The following RETREG1 variants were observed in gnomAD, a reference collection of about 807,000 sequenced individuals.
RETREG1 encodes the protein family with sequence similarity 134 member B.
RETREG1 carries 44 observed loss-of-function variants against 54.8 expected under a neutral mutation model. The observed-to-expected ratio is 0.80, with a 90% confidence interval of 0.63 to 1.03. RETREG1 has a LOEUF of 1.03. Ranked by LOEUF, RETREG1 falls within the 50% of genes least tolerant of loss-of-function variation. The pLI is 0.00. For synonymous variants in RETREG1, 217 were observed against 238.5 expected, an observed-to-expected ratio of 0.91 and a Z score of 0.83; for missense variants, 554 against 605.1, an observed-to-expected ratio of 0.92 and a Z score of 0.89.
At chr5:16,475,722 GTGTT>G (rs1561076373) in intron 8 of RETREG1, among the ~76,000 whole-genome samples, 1 of 152,092 alleles carries the variant, frequency 6.6e-6, no homozygotes, top group African/African-American at 2.4e-5. Flanking sequence ...CCTGTAATCT[GTGTT>G]TGTTTTAAGC....
intron 1 of RETREG1, among the ~76,000 whole-genome samples, chr5:16,614,909 G>T (rs1362292445): frequency 6.6e-6 from 1 of 152,138 alleles, no homozygotes; most frequent in East Asian, 1.9e-4. Flanking sequence ...AGAATATGGT[G>T]TATTTGCTGA....
At chr5:16,520,535 G>A (rs564401409) in intron 3 of RETREG1, among the ~76,000 whole-genome samples, 6 of 151,874 alleles carry the variant, frequency 4.0e-5, no homozygotes, top group Admixed American at 3.3e-4. Flanking sequence ...TCTCCATGTT[G>A]GCCAGGCTGG....
chr5:16,475,968 C>T (rs1315631814), intron 8 of RETREG1, among the ~76,000 whole-genome samples: 1 of 152,096 alleles, frequency 6.6e-6, no homozygotes, highest in African/African-American at 2.4e-5. Flanking sequence ...TAATGAAAAG[C>T]CTTGTATGTG....
intron 3 of RETREG1, among the ~76,000 whole-genome samples, chr5:16,557,604 A>G (rs1217401343): frequency 2.0e-5 from 3 of 152,166 alleles, no homozygotes; most frequent in Non-Finnish European, 2.9e-5. Context: ...TTGACTCTCT[A>G]TTGTGCAATA....
At chr5:16,547,115 A>G (rs1741411465) in intron 3 of RETREG1, among the ~76,000 whole-genome samples, 1 of 152,226 alleles carries the variant, frequency 6.6e-6, no homozygotes, top group Admixed American at 6.5e-5. Context: ...CAGAGCAGGT[A>G]TTTAATAAAC....
chr5:16,476,079 G>T (rs956425339), intron 8 of RETREG1, among the ~76,000 whole-genome samples: 1 of 152,088 alleles, frequency 6.6e-6, no homozygotes, highest in African/African-American at 2.4e-5. Context: ...CAAATTGTAG[G>T]TACTGAAAGC....
At chr5:16,586,859 G>T (rs1367364128) in intron 1 of RETREG1, among the ~76,000 whole-genome samples, 1 of 152,174 alleles carries the variant, frequency 6.6e-6, no homozygotes, top group Non-Finnish European at 1.5e-5. Context: ...CAACACTAAG[G>T]CCTTAGCAGA....
intron 1 of RETREG1, among the ~76,000 whole-genome samples, chr5:16,583,968 G>A (rs2447817): frequency 0.14 from 21,699 of 152,150 alleles, 1,541 homozygotes; most frequent in Non-Finnish European, 0.16. Flanking sequence ...GCCATAAGAA[G>A]GAATGAAATA....
chr5:16,520,476 C>A (rs1388690108), intron 3 of RETREG1, among the ~76,000 whole-genome samples: 1 of 152,022 alleles, frequency 6.6e-6, no homozygotes, highest in Non-Finnish European at 1.5e-5. Flanking sequence ...ATTACAGGCA[C>A]CCATCACCAC....
At chr5:16,558,517 T>C (rs1741772936) in intron 3 of RETREG1, among the ~76,000 whole-genome samples, 1 of 152,206 alleles carries the variant, frequency 6.6e-6, no homozygotes, top group Non-Finnish European at 1.5e-5. Flanking sequence ...CACAGCAAGA[T>C]TTTCTTTTAA....
In RETREG1 at chr5:16,478,854, T is replaced by A. The variant is rs761925091; in HGVS notation, c.804A>T (p.Arg268Ser). The A allele has an allele frequency of 6.2e-7, 1 of 1,611,794 alleles. No individual in the cohort carries two copies. Among genetic ancestry groups the A allele is most frequent in the Non-Finnish European group, 8.5e-7 (1 of 1,178,418 alleles). ...GEYINQKKRE[R>S]SEADKEKSHK... Reference sequence around the variant, plus strand: ...TAAAATATAAACTTTACCTACCAGATCTCTCACGTTTCTTCTGATTAATAT... The same window carrying A: ...TAAAATATAAACTTTACCTACCAGAACTCTCACGTTTCTTCTGATTAATAT... Residue 268 changes from arginine to serine, a missense_variant, in exon 6 of 9, where the codon AGA (arginine) becomes AGT (serine). Around this residue, in one of 4 missense-constraint regions of RETREG1, gnomAD observed 347 missense variants for 412.3 expected, o/e 0.84. Coordinates refer to ENST00000306320, the MANE Select transcript of RETREG1 (RefSeq NM_001034850.3).
At chr5:16,531,286 G>A (rs903132802) in intron 3 of RETREG1, among the ~76,000 whole-genome samples, 2 of 152,146 alleles carry the variant, frequency 1.3e-5, no homozygotes, top group African/African-American at 4.8e-5. Flanking sequence ...CTGAGCCAGG[G>A]CTATGTTTTT....
chr5:16,566,108 T>C (rs886342548), intron 2 of RETREG1, among the ~76,000 whole-genome samples: 1 of 151,956 alleles, frequency 6.6e-6, no homozygotes, highest in African/African-American at 2.4e-5. Context: ...TGAACCCAAG[T>C]AAATATGAAC....
chr5:16,547,896 T>C (rs921813301), intron 3 of RETREG1, among the ~76,000 whole-genome samples: 14 of 152,080 alleles, frequency 9.2e-5, no homozygotes, highest in Admixed American at 2.0e-4. Context: ...TTAATAATTA[T>C]GGTAAAAAAA....
chr5:16,591,906 G>C (rs1232328799), intron 1 of RETREG1, among the ~76,000 whole-genome samples: 1 of 152,218 alleles, frequency 6.6e-6, no homozygotes, highest in Non-Finnish European at 1.5e-5. Flanking sequence ...CTCCAAAGGA[G>C]TGCCACAGCG....
chr5:16,508,861 C>T, intron 3 of RETREG1: 1 of 1,382,138 alleles, frequency 7.2e-7, no homozygotes, highest in South Asian at 1.6e-5. Context: ...TCACTGCCCC[C>T]TTCTAAAAAT....
At chr5:16,507,885 C>T (rs1476740322) in intron 3 of RETREG1, among the ~76,000 whole-genome samples, 1 of 152,208 alleles carries the variant, frequency 6.6e-6, no homozygotes, top group African/African-American at 2.4e-5. Flanking sequence ...AATTAGAATT[C>T]CAATGAAGGC....
At chr5:16,596,384 C>G (rs375931599) in intron 1 of RETREG1, among the ~76,000 whole-genome samples, 6 of 152,200 alleles carry the variant, frequency 3.9e-5, no homozygotes, top group Non-Finnish European at 8.8e-5. Context: ...TTCCCTGCTA[C>G]GCAGACTGGC....
intron 3 of RETREG1, among the ~76,000 whole-genome samples, chr5:16,538,228 C>T (rs1396229638): frequency 6.6e-6 from 1 of 152,006 alleles, no homozygotes; most frequent in African/African-American, 2.4e-5. Flanking sequence ...CCAAGCCGGT[C>T]GACATCAGGG....
Sources: gnomAD v4.1 joint callset for allele counts (sites outside exome capture counted in the v4.1 genomes callset) on GRCh38, gnomAD v4.1.1 for gene constraint, gnomAD v4.1.1 regional missense constraint, MANE v1.5 for transcripts, NCBI Gene and HGNC (gene_info 2026-07-23, HGNC 2026-07-21) for gene names.